ATP13A5: variants seen among roughly 807,000 people sequenced by gnomAD.
The protein encoded by ATP13A5 is ATPase 13A5, also known as probable cation-transporting ATPase 13A5.
In ATP13A5, 149 loss-of-function variants were observed where a neutral mutation model predicts 150.2. The ratio of observed to expected loss-of-function variants is 0.99; its 90% CI spans 0.87 to 1.14. The LOEUF is 1.14. ATP13A5 is among the 50% of genes most tolerant of loss of function. The pLI, the probability that ATP13A5 is intolerant of heterozygous loss-of-function variation, is 0.00. For missense variants in ATP13A5, 1,383 were observed against 1,449.3 expected (o/e 0.95, Z 0.74); for synonymous variants, 497 against 522.2 (o/e 0.95, Z 0.66).
At chr3:193,370,094 T>C (rs1469292152) in intron 1 of ATP13A5, among the ~76,000 whole-genome samples, 1 of 152,230 alleles carries the variant, frequency 6.6e-6, no homozygotes, top group Non-Finnish European at 1.5e-5. Context: ...AGGCTTGATT[T>C]GTATTCTGTC....
chr3:193,314,810 G>A (rs781173462), intron 18 of ATP13A5, among the ~76,000 whole-genome samples, 162 bp downstream of exon 18: 3 of 152,120 alleles, frequency 2.0e-5, no homozygotes, highest in Non-Finnish European at 4.4e-5. Context: ...TGGTCCTGTC[G>A]GGGCAGCTGC....
intron 26 of ATP13A5, among the ~76,000 whole-genome samples, chr3:193,286,945 A>G (rs1317274228): frequency 6.6e-6 from 1 of 152,168 alleles, no homozygotes; most frequent in Non-Finnish European, 1.5e-5. Context: ...CATGAACAAT[A>G]AGGAAGTAAA....
At position 193,335,083 on chromosome 3, in the gene ATP13A5, A is replaced by T. The variant is rs761691053; in HGVS notation, c.960T>A (p.Val320=). The T allele has an allele frequency of 1.1e-5, 18 of 1,613,698 alleles. No individual in the cohort carries two copies. The highest frequency in any genetic ancestry group is 1.4e-5 in the Non-Finnish European group (16 of 1,179,734). ...EGMLTGESIP[V]TKTPLPQMEN... The stretch of plus-strand genomic sequence containing the variant: ...CCATCTGGGGCAATGGTGTCTTTGT[A>T]ACAGGTATACTTTCTCCTAAAGAGG... The change falls in exon 10 of 30, where the codon GTT becomes GTA. Residue 320 remains valine, a synonymous_variant. Coordinates refer to ENST00000342358, the MANE Select transcript of ATP13A5 (RefSeq NM_198505.4).
intron 22 of ATP13A5, 61 bp downstream of exon 22, chr3:193,307,266 T>C (rs1446103211): frequency 6.2e-7 from 1 of 1,611,872 alleles, no homozygotes; most frequent in African/African-American, 1.3e-5. Context: ...CAGGAGAGCC[T>C]GAGGTCCTCC....
At chr3:193,360,659 G>T (rs753961287) in intron 5 of ATP13A5, among the ~76,000 whole-genome samples, 1 of 152,048 alleles carries the variant, frequency 6.6e-6, no homozygotes, top group African/African-American at 2.4e-5. Flanking sequence ...TTATTAGATT[G>T]TCAAGTTCTA....
At chr3:193,282,742 A>G (rs1394064173) in intron 27 of ATP13A5, among the ~76,000 whole-genome samples, 1 of 152,238 alleles carries the variant, frequency 6.6e-6, no homozygotes, top group Non-Finnish European at 1.5e-5. Flanking sequence ...ATATTTGCTA[A>G]GAGACCTTAA....
chr3:193,356,430 G>C (rs1015387830), intron 5 of ATP13A5, among the ~76,000 whole-genome samples: 1 of 152,048 alleles, frequency 6.6e-6, no homozygotes, highest in African/African-American at 2.4e-5. Flanking sequence ...TGTAAAAGGG[G>C]TTTTATAAAA....
At chr3:193,304,653 T>C (rs180711809) in intron 23 of ATP13A5, among the ~76,000 whole-genome samples, 196 of 152,254 alleles carry the variant, frequency 1.3e-3, no homozygotes, top group African/African-American at 4.6e-3. Context: ...TAACTACATT[T>C]AAAATATAAG....
intron 1 of ATP13A5, among the ~76,000 whole-genome samples, chr3:193,376,570 G>A (rs754363874): frequency 5.9e-5 from 9 of 151,996 alleles, no homozygotes; most frequent in East Asian, 1.9e-4. Context: ...GGGTACATGC[G>A]CAGGATGTGC....
chr3:193,277,784 T>C (rs1264813326), intron 28 of ATP13A5: 1 of 152,214 alleles, frequency 6.6e-6, no homozygotes, highest in African/African-American at 2.4e-5. Context: ...CAGAACTAAC[T>C]CTTCTCCATC....
chr3:193,373,247 C>T (rs553422314), intron 1 of ATP13A5, among the ~76,000 whole-genome samples: 7 of 152,232 alleles, frequency 4.6e-5, no homozygotes, highest in Admixed American at 2.6e-4. Context: ...CAAGCGATCT[C>T]CTGCCTTAGC....
At chr3:193,275,973 C>T (rs13084990) in intron 29 of ATP13A5, among the ~76,000 whole-genome samples, 1 of 151,892 alleles carries the variant, frequency 6.6e-6, no homozygotes, top group Non-Finnish European at 1.5e-5. Flanking sequence ...GCTATTTAAA[C>T]AAACAGCATC....
In ATP13A5 at chr3:193,305,436, A is replaced by T. The variant is rs1718573569; in HGVS notation, c.2678+123T>A. 3.7e-6 allele frequency: 3 copies of T among 821,386 alleles called. No individual in the cohort carries two copies. The South Asian group carries it at 4.7e-5, about 13-fold the overall frequency. The allele number at this position is 821,386 out of a possible 1,614,324, so 50.9% of individuals were successfully genotyped here. Reference sequence around the variant, plus strand: ...TAATGGCCCCCTTCATTGGTTCTCCAATAGCACTTCACCCATTCCTCTGTT... The same window carrying T: ...TAATGGCCCCCTTCATTGGTTCTCCTATAGCACTTCACCCATTCCTCTGTT... On this transcript the variant is annotated intron_variant, in intron 23 of 29. Transcript: ENST00000342358.
At chr3:193,284,816 C>A in intron 27 of ATP13A5, 98 bp downstream of exon 27, 1 of 1,024,752 alleles carries the variant, frequency 9.8e-7, no homozygotes, top group Non-Finnish European at 1.4e-6. Context: ...GCAATTGTTT[C>A]TTCCTCAGCC....
intron 25 of ATP13A5, among the ~76,000 whole-genome samples, chr3:193,292,151 G>A (rs1328529088): frequency 2.0e-5 from 3 of 152,040 alleles, no homozygotes; most frequent in Non-Finnish European, 4.4e-5. Context: ...TTGGGTCCAC[G>A]AAGAAGGGGT....
intron 5 of ATP13A5, 53 bp from the exon 6 acceptor site, chr3:193,354,249 G>A: frequency 6.6e-7 from 1 of 1,505,698 alleles, no homozygotes; most frequent in Non-Finnish European, 9.1e-7. Context: ...CATGATAAGT[G>A]ACTACAGGCC....
intron 19 of ATP13A5, 70 bp downstream of exon 19, chr3:193,313,963 A>T: frequency 6.5e-7 from 1 of 1,528,354 alleles, no homozygotes; most frequent in Non-Finnish European, 8.9e-7. Flanking sequence ...AGTTGAGAGA[A>T]GGCTGAGCAG....
Position 193,290,059 on chromosome 3 carries a change from A to G in ATP13A5, c.2849T>C (p.Met950Thr). Residue 950 changes from methionine to threonine, a missense_variant and splice_region_variant, in exon 26 of 30, where the codon ATG (methionine) becomes ACG (threonine). By Grantham distance (81) the Met-to-Thr change is moderately conservative. Coordinates refer to ENST00000342358, the MANE Select transcript of ATP13A5 (RefSeq NM_198505.4). ...VAITLMVCLT[M>T]SSTHAYPKLA... is the part of the protein sequence containing the mutation. ...CTTTGGGTAGGCATGAGTTGAACTC[A>G]CTGAAAGACAAATACATTTTTTTCC... is the stretch of plus-strand genomic sequence containing the variant. The G allele has an allele frequency of 6.3e-7, 1 of 1,592,370 alleles. No individual in the cohort carries two copies. The highest frequency in any genetic ancestry group is 1.4e-5 in the African/African-American group (1 of 73,544).
intron 1 of ATP13A5, among the ~76,000 whole-genome samples, chr3:193,374,297 C>CAG (rs1195704062): frequency 1.2e-4 from 12 of 103,120 alleles, no homozygotes; most frequent in Middle Eastern, 4.8e-3. Context: ...CACACACACA[C>CAG]ACACAGAGAG....
Sources: allele counts gnomAD v4.1 joint callset (sites outside exome capture counted in the v4.1 genomes callset), GRCh38; gene constraint gnomAD v4.1.1; transcripts MANE v1.5; gene names NCBI Gene and HGNC (gene_info 2026-07-23, HGNC 2026-07-21).